COA1: variants seen among roughly 807,000 people sequenced by gnomAD.
The protein encoded by COA1 is cytochrome c oxidase assembly factor 1 homolog.
COA1 carries 13 observed loss-of-function variants against 16.0 expected under a neutral mutation model. That is an observed-to-expected ratio of 0.81 (90% CI 0.53 to 1.29). The LOEUF (loss-of-function observed/expected upper bound fraction) is 1.29, where lower values mean the gene tolerates loss of function less well. Among genes scored for constraint, COA1 ranks in the 50% most tolerant of loss-of-function variants. COA1 has a pLI of 0.00. For synonymous variants in COA1, 65 were observed against 65.7 expected, an observed-to-expected ratio of 0.99 and a Z score of 0.05; for missense variants, 179 against 177.0, an observed-to-expected ratio of 1.01 and a Z score of -0.06.
intron 1 of COA1, among the ~76,000 whole-genome samples, chr7:43,653,989 G>A (rs2091313895): frequency 6.6e-6 from 1 of 152,142 alleles, no homozygotes; most frequent in Admixed American, 6.5e-5. Flanking sequence ...AAGACAGAAA[G>A]TAGGGCCTGC....
At chr7:43,726,322 C>T (rs759034604) in intron 1 of COA1, among the ~76,000 whole-genome samples, 5 of 152,150 alleles carry the variant, frequency 3.3e-5, no homozygotes, top group Non-Finnish European at 5.9e-5. Flanking sequence ...CTGGGAACTA[C>T]TATGTCAGTT....
intron 1 of COA1, among the ~76,000 whole-genome samples, chr7:43,722,565 G>A (rs1257885648): frequency 1.3e-5 from 2 of 152,044 alleles, no homozygotes; most frequent in African/African-American, 4.8e-5. Flanking sequence ...ATCACGCCCA[G>A]CTAATTTTTG....
intron 1 of COA1, among the ~76,000 whole-genome samples, chr7:43,664,119 G>GAGAGAGAGAGAGAGAGAA (rs2092705966): frequency 6.6e-6 from 1 of 151,758 alleles, no homozygotes; most frequent in East Asian, 1.9e-4. Context: ...GAGAGAGAGA[G>GAGAGAGAGAGAGAGAGAA]AGAGAGAGAG....
intron 1 of COA1, among the ~76,000 whole-genome samples, chr7:43,704,854 C>T (rs1041054474): frequency 1.3e-5 from 2 of 152,118 alleles, no homozygotes; most frequent in African/African-American, 4.8e-5. Flanking sequence ...CTAGTGCAGT[C>T]GTTTGGAGGT....
At chr7:43,620,920 ACT>A (rs1205418870) in intron 6 of COA1, among the ~76,000 whole-genome samples, 1 of 151,842 alleles carries the variant, frequency 6.6e-6, no homozygotes, top group Non-Finnish European at 1.5e-5. Flanking sequence ...CTGAGGGAAG[ACT>A]CTGTGCCTGA....
chr7:43,712,433 G>A lies in COA1; in HGVS notation c.-39+16996C>T, dbSNP rs556722678. Among the ~76,000 whole-genome samples the A allele has an allele frequency of 1.1e-4, 17 of 152,174 alleles. 1 individual carries two copies. In the South Asian group the frequency reaches 3.1e-3, roughly 28 times the overall value. On this transcript the variant is annotated intron_variant, in intron 1 of 5. Coordinates refer to ENST00000223336, the MANE Select transcript of COA1 (RefSeq NM_018224.4). ...CATATTCCTCCAGAATTTTGAAGGCGGCATTGCTTCACTGCTTTCACACTT... is the reference window on the plus strand; with the variant it reads ...CATATTCCTCCAGAATTTTGAAGGCAGCATTGCTTCACTGCTTTCACACTT...
chr7:43,691,426 AAAGAAAGAAAGAAAG>A lies in COA1; in HGVS notation c.-39+37988_-39+38002del, dbSNP rs2094351237. Among the ~76,000 whole-genome samples the A allele has an allele frequency of 1.3e-4, 4 of 31,966 alleles. No homozygotes were observed. The South Asian group carries it at 5.9e-3, about 47-fold the overall frequency. The allele number at this position is 31,966 out of a possible 152,430, so 21.0% of individuals were successfully genotyped here. On this transcript the variant is annotated intron_variant, in intron 1 of 5. Coordinates refer to ENST00000223336, the MANE Select transcript of COA1 (RefSeq NM_018224.4). ...AAGGAAGGAAGGAAGAAAGAAAAAG[AAAGAAAGAAAGAAAG>A]AAAGAAAGAAAGAAAGAAAGAAAGA...
rs1220402738 is a variant in COA1, at chr7:43,648,666, A to C, written c.-38-14T>G. On this transcript the variant is annotated splice_polypyrimidine_tract_variant and intron_variant, in intron 1 of 5. Coordinates refer to ENST00000223336, the MANE Select transcript of COA1 (RefSeq NM_018224.4). ...AGGCAAGTTGTCCTGCAATTAGAAA[A>C]GATTTTACATTAAAATCATATTTTT... 8.2e-6 allele frequency: 13 copies of C among 1,590,700 alleles called. No individual in the cohort carries two copies. The highest frequency in any genetic ancestry group is 1.1e-5 in the Non-Finnish European group (13 of 1,161,226).
chr7:43,711,859 C>T (rs908227105), intron 1 of COA1, among the ~76,000 whole-genome samples: 5 of 152,340 alleles, frequency 3.3e-5, no homozygotes, highest in African/African-American at 4.8e-5. Context: ...ATGCAGTTCA[C>T]TGCTGACTGA....
At chr7:43,708,059 C>G (rs573343372) in intron 1 of COA1, among the ~76,000 whole-genome samples, 1 of 152,272 alleles carries the variant, frequency 6.6e-6, no homozygotes, top group East Asian at 1.9e-4. Context: ...CAAAAATTAG[C>G]CAGGCATGGT....
chr7:43,641,249 G>A (rs1479046239), intron 4 of COA1, among the ~76,000 whole-genome samples: 2 of 144,348 alleles, frequency 1.4e-5, no homozygotes, highest in Non-Finnish European at 3.0e-5. Flanking sequence ...ACAACTGGGT[G>A]TATTTGTTAA....
At chr7:43,644,710 TTAGATAGATAGATAGATAGA>T (rs764989171) in intron 4 of COA1, among the ~76,000 whole-genome samples, 4 of 56,950 alleles carry the variant, frequency 7.0e-5, no homozygotes, top group Admixed American at 2.0e-4. Context: ...GATAGATAGA[TTAGATAGATAGATAGATAGA>T]TAGATAGATA....
chr7:43,653,995 C>A (rs1199989447), intron 1 of COA1, among the ~76,000 whole-genome samples: 2 of 152,036 alleles, frequency 1.3e-5, no homozygotes, highest in Non-Finnish European at 2.9e-5. Flanking sequence ...GAAAGTAGGG[C>A]CTGCTTGGAA....
intron 6 of COA1, among the ~76,000 whole-genome samples, chr7:43,612,224 G>A (rs1430346672): frequency 1.3e-5 from 2 of 152,202 alleles, no homozygotes; most frequent in Non-Finnish European, 2.9e-5. Context: ...GGTCCAAAGG[G>A]TTCTCAGCCT....
downstream of COA1, chr7:43,639,004 ATGGT>A (rs1297882099): frequency 2.6e-5 from 4 of 152,352 alleles, no homozygotes; most frequent in African/African-American, 9.6e-5. Context: ...AACTGGGCAG[ATGGT>A]TGGTGTCTGA....
At chr7:43,684,255 G>A (rs1391893714) in intron 1 of COA1, among the ~76,000 whole-genome samples, 2 of 152,088 alleles carry the variant, frequency 1.3e-5, no homozygotes, top group South Asian at 2.1e-4. Context: ...AACAGGGTTC[G>A]CACTCCTATA....
At chr7:43,706,636 A>C (rs1221282866) in intron 1 of COA1, among the ~76,000 whole-genome samples, 1 of 152,206 alleles carries the variant, frequency 6.6e-6, no homozygotes, top group East Asian at 1.9e-4. Context: ...TAGGAGGGCA[A>C]GGTCAGCAGG....
Position 43,644,799 on chromosome 7 carries a change from C to CAGAGAGAGAGAGAGAGAG in COA1, c.264+434_264+451dup, listed in dbSNP as rs10627279. On this transcript the variant is annotated intron_variant, in intron 4 of 5. Coordinates refer to ENST00000223336, the MANE Select transcript of COA1 (RefSeq NM_018224.4). ...GCAGGCAGGCAGGCAGGCAGAGAGA[C>CAGAGAGAGAGAGAGAGAG]AGAGAGAGAGAGAGAGAGAGAGAGA... Among the ~76,000 whole-genome samples the CAGAGAGAGAGAGAGAGAG allele has an allele frequency of 1.4e-3, 103 of 75,354 alleles. 1 individual carries two copies. Among genetic ancestry groups the CAGAGAGAGAGAGAGAGAG allele is most frequent in the Middle Eastern group, 6.3e-3 (1 of 158 alleles). The allele number at this position is 75,354 out of a possible 152,430, so 49.4% of individuals were successfully genotyped here. A position where few individuals can be genotyped will look rare whatever the true frequency, so the allele number is the denominator to read the frequency against.
chr7:43,640,663 A>G lies in COA1; in HGVS notation c.265-14T>C, dbSNP rs751355149. Reference sequence around the variant, plus strand: ...AGGAATCTTCAACTGTGGGTGTAAAATGACAGAAAGGAGAGATGTAATTGG... The same window carrying G: ...AGGAATCTTCAACTGTGGGTGTAAAGTGACAGAAAGGAGAGATGTAATTGG... On this transcript the variant is annotated splice_polypyrimidine_tract_variant and intron_variant, in intron 4 of 5. Coordinates refer to ENST00000223336, the MANE Select transcript of COA1 (RefSeq NM_018224.4). 9 of 1,568,520 alleles carry G rather than the reference A, an allele frequency of 5.7e-6. No homozygotes were observed. The highest frequency in any genetic ancestry group is 7.8e-6 in the Non-Finnish European group (9 of 1,150,382).
Sources: gnomAD v4.1 joint callset for allele counts (sites outside exome capture counted in the v4.1 genomes callset) on GRCh38, gnomAD v4.1.1 for gene constraint, MANE v1.5 for transcripts, NCBI Gene and HGNC (gene_info 2026-07-23, HGNC 2026-07-21) for gene names.